The following FOXP1 variants were observed in gnomAD, a reference collection of about 807,000 sequenced individuals.
FOXP1 encodes the protein forkhead box protein P1.
Under a neutral mutation model 98.2 loss-of-function variants are expected in FOXP1, and 15 were observed. The ratio of observed to expected loss-of-function variants is 0.15; its 90% CI spans 0.10 to 0.24. The LOEUF is 0.24. FOXP1 is among the 10% of genes least tolerant of loss of function. The pLI is 1.00. For synonymous variants in FOXP1, 371 were observed against 314.5 expected (o/e 1.18, Z -1.90); for missense variants, 633 against 848.5 (o/e 0.75, Z 3.15).
intron 19 of FOXP1, among the ~76,000 whole-genome samples, chr3:70,967,687 G>GTTTTTTTTTTTGTTTT (rs2035151049): frequency 8.1e-5 from 5 of 61,358 alleles, no homozygotes; most frequent in African/African-American, 1.7e-4. Context: ...ACTATTATTT[G>GTTTTTTTTTTTGTTTT]TTTTTTTTTT....
intron 5 of FOXP1, among the ~76,000 whole-genome samples, chr3:71,252,682 C>T (rs1005135202): frequency 3.3e-5 from 5 of 152,158 alleles, no homozygotes; most frequent in Non-Finnish European, 7.4e-5. Flanking sequence ...CTATGATTTT[C>T]CCAGTGTTTG....
intron 2 of FOXP1, among the ~76,000 whole-genome samples, chr3:71,575,610 A>C (rs1276936883): frequency 1.3e-5 from 2 of 152,148 alleles, no homozygotes; most frequent in African/African-American, 4.8e-5. Flanking sequence ...CACCAGTGCC[A>C]CTGGTCATCA....
intron 3 of FOXP1, among the ~76,000 whole-genome samples, chr3:71,414,232 C>T (rs1319876368): frequency 1.3e-5 from 2 of 152,216 alleles, no homozygotes. Context: ...ATGGGGATTT[C>T]CTGTTTCCAG....
At chr3:71,324,645 T>C (rs1213139502) in intron 4 of FOXP1, among the ~76,000 whole-genome samples, 1 of 151,756 alleles carries the variant, frequency 6.6e-6, no homozygotes, top group Non-Finnish European at 1.5e-5. Context: ...AGGGATAGCA[T>C]TAGGAGATAT....
chr3:71,278,701 G>C (rs1390189846), intron 5 of FOXP1, among the ~76,000 whole-genome samples: 1 of 152,162 alleles, frequency 6.6e-6, no homozygotes, highest in Non-Finnish European at 1.5e-5. Flanking sequence ...GAATCCACTT[G>C]AACATGGGAG....
intron 11 of FOXP1, among the ~76,000 whole-genome samples, chr3:71,037,256 T>C (rs779143720): frequency 6.6e-6 from 1 of 152,200 alleles, no homozygotes; most frequent in Non-Finnish European, 1.5e-5. Flanking sequence ...ATTTCAAATT[T>C]TAATTTAGGC....
chr3:70,984,210 T>TA lies in FOXP1; in HGVS notation c.1146+3783dup, dbSNP rs1271091594. On this transcript the variant is annotated intron_variant, in intron 14 of 20. Coordinates refer to ENST00000649528, the MANE Select transcript of FOXP1 (RefSeq NM_001349338.3). ...ACGTCCACGCAGGGTCCAGTCTTTA[T>TA]AAAATTAAAAGTTTGAAAAGCTTGT... is the stretch of plus-strand genomic sequence containing the variant. Among the ~76,000 whole-genome samples the TA allele has an allele frequency of 8.5e-5, 13 of 152,344 alleles. No homozygotes were observed. The East Asian group carries it at 2.3e-3, about 27-fold the overall frequency.
chr3:71,419,634 C>G (rs1382225605), intron 3 of FOXP1, among the ~76,000 whole-genome samples: 1 of 152,100 alleles, frequency 6.6e-6, no homozygotes, highest in Non-Finnish European at 1.5e-5. Flanking sequence ...TTCACCACAT[C>G]ATTTGCAAAC....
chr3:71,016,727 T>C lies in FOXP1; in HGVS notation c.870-1074A>G, dbSNP rs936600016. 1.2e-4 allele frequency among the ~76,000 whole-genome samples: 18 copies of C among 152,040 alleles called. 1 individual carries two copies. The highest frequency in any genetic ancestry group is 9.7e-4 in the East Asian group (5 of 5,166). ...CAAGAGGCCTGTATTTCATTTCATA[T>C]TGCCATCAGGATGTATATTCATGTA... On this transcript the variant is annotated intron_variant, in intron 11 of 20. Transcript: ENST00000649528.
intron 3 of FOXP1, among the ~76,000 whole-genome samples, chr3:71,487,344 C>T (rs1377428471): frequency 6.6e-6 from 1 of 152,172 alleles, no homozygotes; most frequent in African/African-American, 2.4e-5. Context: ...GGGCATGAGC[C>T]ACAGCACCCA....
chr3:71,335,300 A>G (rs1327343037), intron 4 of FOXP1: 1 of 152,008 alleles, frequency 6.6e-6, no homozygotes, highest in Non-Finnish European at 1.5e-5. Context: ...AAAAAAACAT[A>G]ATAATGGAGT....
intron 20 of FOXP1, among the ~76,000 whole-genome samples, chr3:70,962,560 T>C (rs2033796065): frequency 6.6e-6 from 1 of 152,222 alleles, no homozygotes; most frequent in South Asian, 2.1e-4. Context: ...TTACTGACAA[T>C]GGTGAACATT....
intron 2 of FOXP1, among the ~76,000 whole-genome samples, chr3:71,498,061 A>G (rs188819698): frequency 6.6e-6 from 1 of 152,260 alleles, no homozygotes; most frequent in African/African-American, 2.4e-5. Flanking sequence ...GGCAGTGGCT[A>G]CTAAGTCCTT....
intron 7 of FOXP1, among the ~76,000 whole-genome samples, chr3:71,064,515 C>T (rs1260669275): frequency 6.6e-6 from 1 of 151,670 alleles, no homozygotes; most frequent in Non-Finnish European, 1.5e-5. Flanking sequence ...ACACCCCACC[C>T]ATGAACATTT....
chr3:71,019,788 C>A (rs2045128970), intron 11 of FOXP1, among the ~76,000 whole-genome samples: 1 of 152,002 alleles, frequency 6.6e-6, no homozygotes, highest in Non-Finnish European at 1.5e-5. Flanking sequence ...CCCGATTGCA[C>A]CACTGCACTC....
chr3:71,415,845 G>C (rs1407883188), intron 3 of FOXP1, among the ~76,000 whole-genome samples: 1 of 151,944 alleles, frequency 6.6e-6, no homozygotes, highest in Non-Finnish European at 1.5e-5. Context: ...TAACATAAAG[G>C]CAACTTTAGA....
chr3:71,573,950 A>T (rs2047535878), intron 2 of FOXP1: 1 of 152,214 alleles, frequency 6.6e-6, no homozygotes, highest in Admixed American at 6.5e-5. Context: ...AGGCGGAATG[A>T]CTTCGCATCA....
At chr3:71,209,041 A>AT (rs1314988659) in intron 5 of FOXP1, among the ~76,000 whole-genome samples, 6 of 152,176 alleles carry the variant, frequency 3.9e-5, no homozygotes, top group African/African-American at 1.4e-4. Context: ...ACTCACCATC[A>AT]TATAAGCCAG....
intron 3 of FOXP1, among the ~76,000 whole-genome samples, chr3:71,437,800 G>T (rs1332985409): frequency 5.3e-5 from 8 of 152,136 alleles, no homozygotes; most frequent in African/African-American, 1.9e-4. Context: ...GGGCGTAAGA[G>T]ACCCAAACCA....
Sources: gnomAD v4.1 joint callset for allele counts (sites outside exome capture counted in the v4.1 genomes callset) on GRCh38, gnomAD v4.1.1 for gene constraint, MANE v1.5 for transcripts, NCBI Gene and HGNC (gene_info 2026-07-23, HGNC 2026-07-21) for gene names.